TRIM71: variants seen among roughly 807,000 people sequenced by gnomAD.
TRIM71 encodes the protein tripartite motif containing 71, also known as E3 ubiquitin-protein ligase TRIM71.
Under a neutral mutation model 61.2 loss-of-function variants are expected in TRIM71, and 9 were observed. The observed-to-expected ratio is 0.15, with a 90% CI of 0.09 to 0.26. The LOEUF (loss-of-function observed/expected upper bound fraction) is 0.26, where lower values mean the gene tolerates loss of function less well. TRIM71 is among the 10% of genes least tolerant of loss of function. The probability of loss-of-function intolerance (pLI) is 1.00; values close to 1 mark genes in which losing one functional copy is unlikely to be tolerated. For synonymous variants in TRIM71, 645 were observed against 553.2 expected, an observed-to-expected ratio of 1.17 and a Z score of -2.33; for missense variants, 998 against 1,238.7, an observed-to-expected ratio of 0.81 and a Z score of 2.92.
chr3:32,824,071 C>CA (rs1238296205), intron 1 of TRIM71, among the ~76,000 whole-genome samples: 2 of 150,436 alleles, frequency 1.3e-5, no homozygotes, highest in Non-Finnish European at 1.5e-5. Context: ...AGACTTGTCT[C>CA]AAAAAAAGAA....
At chr3:32,841,061 C>A (rs1172044746) in intron 1 of TRIM71, among the ~76,000 whole-genome samples, 2 of 151,800 alleles carry the variant, frequency 1.3e-5, no homozygotes, top group Non-Finnish European at 2.9e-5. Context: ...CCTGGCTAAC[C>A]TGGTGAAACC....
chr3:32,821,740 C>A (rs577266577), intron 1 of TRIM71, among the ~76,000 whole-genome samples: 1 of 151,870 alleles, frequency 6.6e-6, no homozygotes, highest in East Asian at 1.9e-4. Flanking sequence ...AGGTCGCCGT[C>A]CCCGGAACAG....
chr3:32,874,078 T>TG (rs1291154413), intron 2 of TRIM71, 93 bp downstream of exon 2: 68 of 1,378,838 alleles, frequency 4.9e-5, no homozygotes, highest in Non-Finnish European at 6.3e-5. Context: ...GATTCCAGTG[T>TG]GGGGGGTGGA....
chr3:32,839,212 T>C (rs1219922489), intron 1 of TRIM71, among the ~76,000 whole-genome samples: 2 of 152,018 alleles, frequency 1.3e-5, no homozygotes, highest in Non-Finnish European at 2.9e-5. Flanking sequence ...TCATGGATGA[T>C]AAGGTCCTGT....
intron 1 of TRIM71, among the ~76,000 whole-genome samples, chr3:32,863,429 T>A (rs1443299985): frequency 6.6e-6 from 1 of 152,032 alleles, no homozygotes; most frequent in Non-Finnish European, 1.5e-5. Flanking sequence ...TTTTGACTTT[T>A]GATGATTTAT....
At chr3:32,873,060 T>TTTTC (rs1696813386) in intron 1 of TRIM71, among the ~76,000 whole-genome samples, 1 of 96,066 alleles carries the variant, frequency 1.0e-5, no homozygotes, top group African/African-American at 3.6e-5. Context: ...CCCTTCTCTC[T>TTTTC]CTTCCTCCCT....
At chr3:32,847,023 G>T (rs1215393083) in intron 1 of TRIM71, among the ~76,000 whole-genome samples, 1 of 152,052 alleles carries the variant, frequency 6.6e-6, no homozygotes, top group Non-Finnish European at 1.5e-5. Context: ...GGGATTGCTG[G>T]ATCATGTGGA....
chr3:32,879,480 G>A (rs1696884787), intron 2 of TRIM71, among the ~76,000 whole-genome samples: 1 of 152,056 alleles, frequency 6.6e-6, no homozygotes, highest in African/African-American at 2.4e-5. Flanking sequence ...AGAGGCCATT[G>A]TAGGGTTACT....
rs534824877 is a variant in TRIM71, at chr3:32,865,605, T to C, written c.853-8213T>C. ...TAAGAGAGTCATTGCTGGGGGAAAA[T>C]GATTTTCTTCCAGGATGAACTCATT... On this transcript the variant is annotated intron_variant, in intron 1 of 3. Coordinates refer to ENST00000383763, the MANE Select transcript of TRIM71 (RefSeq NM_001039111.3). Among the ~76,000 whole-genome samples, 58 of 152,202 alleles carry C rather than the reference T, an allele frequency of 3.8e-4. 2 individuals carry two copies. The South Asian group carries it at 0.012, about 31-fold the overall frequency.
intron 1 of TRIM71, among the ~76,000 whole-genome samples, chr3:32,832,318 A>G (rs1299179007): frequency 6.6e-6 from 1 of 152,172 alleles, no homozygotes; most frequent in Non-Finnish European, 1.5e-5. Context: ...TTAGCCGAGC[A>G]CAGTAGTTGT....
intron 1 of TRIM71, among the ~76,000 whole-genome samples, chr3:32,826,582 C>CTGTTTTTTTTT (rs1696204879): frequency 1.2e-5 from 1 of 83,098 alleles, no homozygotes; most frequent in Non-Finnish European, 2.1e-5. Context: ...CAGGTGAGTT[C>CTGTTTTTTTTT]TTTTTTTTTT....
At position 32,866,941 on chromosome 3, in the gene TRIM71, AC is replaced by A. The variant is rs376070821; in HGVS notation, c.853-6876del. Among the ~76,000 whole-genome samples, 163 of 152,248 alleles carry A rather than the reference AC, an allele frequency of 1.1e-3. 2 individuals carry two copies. The East Asian group carries it at 0.026, about 24-fold the overall frequency. On this transcript the variant is annotated intron_variant, in intron 1 of 3. Transcript: ENST00000383763. ...GTGTGGTTTTTGGAGTCACATAAAAACTTAAAGTGAACAAGTGCTAACAGAT... is the reference window on the plus strand; with the variant it reads ...GTGTGGTTTTTGGAGTCACATAAAAATTAAAGTGAACAAGTGCTAACAGAT...
At chr3:32,882,931 A>G (rs1261239854) in intron 2 of TRIM71, among the ~76,000 whole-genome samples, 1 of 152,142 alleles carries the variant, frequency 6.6e-6, no homozygotes, top group African/African-American at 2.4e-5. Flanking sequence ...GCTGGATGTA[A>G]CCTCACCATC....
intron 1 of TRIM71, among the ~76,000 whole-genome samples, chr3:32,819,896 A>G (rs1265831419): frequency 6.6e-6 from 1 of 152,250 alleles, no homozygotes; most frequent in Admixed American, 6.5e-5. Context: ...TTTTAGGGCT[A>G]CATTGCAACC....
chr3:32,870,804 T>TA lies in TRIM71; in HGVS notation c.853-3013dup, dbSNP rs926319075. 8.3e-4 allele frequency among the ~76,000 whole-genome samples: 127 copies of TA among 152,278 alleles called. 1 individual carries two copies. The highest frequency in any genetic ancestry group is 2.8e-3 in the African/African-American group (116 of 41,554). Reference sequence around the variant, plus strand: ...GGGCACCCTGGCTCAGCCCAGAACTTACTACTTGTTCTGTTGTTGTTGTTT... The same window carrying TA: ...GGGCACCCTGGCTCAGCCCAGAACTTAACTACTTGTTCTGTTGTTGTTGTTT... On this transcript the variant is annotated intron_variant, in intron 1 of 3. Coordinates refer to ENST00000383763, the MANE Select transcript of TRIM71 (RefSeq NM_001039111.3).
intron 1 of TRIM71, among the ~76,000 whole-genome samples, chr3:32,838,924 C>T (rs187067131): frequency 4.4e-4 from 66 of 150,140 alleles, no homozygotes; most frequent in Admixed American, 1.8e-3. Flanking sequence ...CGTCAGCCTC[C>T]TGAGTAGCTG....
chr3:32,884,725 T>G (rs1391765296), intron 2 of TRIM71, among the ~76,000 whole-genome samples: 1 of 152,134 alleles, frequency 6.6e-6, no homozygotes, highest in Non-Finnish European at 1.5e-5. Context: ...TATACAACAC[T>G]GAACATACTA....
chr3:32,893,369 G>A lies in TRIM71; in HGVS notation c.*1558G>A, dbSNP rs1053023556. ...CTGTGTCACTTTACAGGATTGGTTG[G>A]TTGTAAGCTGGACTTGGGTACAAAA... is the stretch of plus-strand genomic sequence containing the variant. On this transcript the variant is annotated 3_prime_UTR_variant, in exon 4 of 4. Coordinates refer to ENST00000383763, the MANE Select transcript of TRIM71 (RefSeq NM_001039111.3). The A allele has an allele frequency of 1.3e-5, 2 of 152,176 alleles. No homozygotes were observed. The allele number at this position is 152,176 out of a possible 1,614,324, so 9.4% of individuals were successfully genotyped here.
In TRIM71 at chr3:32,892,908, C is replaced by G. The variant is rs759589043; in HGVS notation, c.*1097C>G. 1.3e-5 allele frequency: 2 copies of G among 152,182 alleles called. No homozygotes were observed. Among genetic ancestry groups the G allele is most frequent in the Non-Finnish European group, 2.9e-5 (2 of 68,044 alleles). The allele number at this position is 152,182 out of a possible 1,614,324, so 9.4% of individuals were successfully genotyped here. A position where few individuals can be genotyped will look rare whatever the true frequency, so the allele number is the denominator to read the frequency against. ...CATTAAAGAACAAGGCACCCCCAAA[C>G]TATAGGAACTCCACAGAAAGGGCAG... On this transcript the variant is annotated 3_prime_UTR_variant, in exon 4 of 4. Transcript: ENST00000383763.
Sources: allele counts gnomAD v4.1 joint callset (sites outside exome capture counted in the v4.1 genomes callset), GRCh38; gene constraint gnomAD v4.1.1; transcripts MANE v1.5; gene names NCBI Gene and HGNC (gene_info 2026-07-23, HGNC 2026-07-21).